ZNF217: variants seen among roughly 807,000 people sequenced by gnomAD.
ZNF217 encodes zinc finger protein 217.
Under a neutral mutation model 73.3 loss-of-function variants are expected in ZNF217, and 12 were observed. The observed-to-expected ratio is 0.16, with a 90% CI of 0.10 to 0.27. The LOEUF (loss-of-function observed/expected upper bound fraction) is 0.27. ZNF217 is among the 10% of genes least tolerant of loss of function. ZNF217 has a pLI of 1.00. For missense variants in ZNF217, 1,195 were observed against 1,327.8 expected (o/e 0.90, Z 1.55); for synonymous variants, 588 against 516.4 (o/e 1.14, Z -1.88).
At chr20:53,593,012 A>C (rs1401228704) in intron 1 of ZNF217, among the ~76,000 whole-genome samples, 5 of 151,992 alleles carry the variant, frequency 3.3e-5, no homozygotes, top group Admixed American at 3.3e-4. Flanking sequence ...ACTTAAAAAA[A>C]TCTTTAAAAT....
In ZNF217 at chr20:53,576,022, C is replaced by A. The variant is rs61730988; in HGVS notation, c.2742G>T (p.Glu914Asp). 6.7e-3 allele frequency: 10,769 copies of A among 1,614,202 alleles called. 52 individuals carry two copies. Among genetic ancestry groups the A allele is most frequent in the Non-Finnish European group, 7.9e-3 (9,370 of 1,180,030 alleles). The change falls in exon 4 of 6, where the codon GAG (glutamate) becomes GAT (aspartate). Residue 914 changes from glutamate (E) to aspartate (D), a missense_variant. Transcript: ENST00000371471. ...SASNTAAEFG[E>D]PLPKRLKSSV... ...TGGACTTCAGTCTTTTTGGAAGGGG[C>A]TCACCAAATTCTGCTGCAGTATTGC...
chr20:53,568,944 G>GA lies in ZNF217; in HGVS notation c.*343dup. On this transcript the variant is annotated 3_prime_UTR_variant, in exon 6 of 6. Transcript: ENST00000371471. ...CCATCCCGCCCCACCCAACCCAAAT[G>GA]ATTTCTTTTCAGCAGCGCTCAAGTA... is the stretch of plus-strand genomic sequence containing the variant. 9.4e-6 allele frequency: 1 copy of GA among 105,878 alleles called. No individual in the cohort carries two copies. Among genetic ancestry groups the GA allele is most frequent in the South Asian group, 2.6e-4 (1 of 3,866 alleles). The allele number at this position is 105,878 out of a possible 1,614,324, so 6.6% of individuals were successfully genotyped here. A position where few individuals can be genotyped will look rare whatever the true frequency, so the allele number is the denominator to read the frequency against.
upstream of ZNF217, among the ~76,000 whole-genome samples, chr20:53,594,274 G>T (rs995046655): frequency 1.3e-5 from 2 of 151,336 alleles, no homozygotes; most frequent in African/African-American, 2.4e-5. Context: ...AGTGTTCAGG[G>T]AGCAGCTGTT....
chr20:53,569,688 G>T (rs1052131160), intron 5 of ZNF217, among the ~76,000 whole-genome samples: 1 of 152,136 alleles, frequency 6.6e-6, no homozygotes, highest in Non-Finnish European at 1.5e-5. Context: ...CTGGCCCTGG[G>T]TTCTATTTAA....
At chr20:53,587,097 A>G (rs1391847601) in intron 1 of ZNF217, among the ~76,000 whole-genome samples, 1 of 152,238 alleles carries the variant, frequency 6.6e-6, no homozygotes, top group Non-Finnish European at 1.5e-5. Flanking sequence ...CACCTAAGGC[A>G]AGTGGGCTAT....
intron 5 of ZNF217, 137 bp downstream of exon 5, chr20:53,571,584 T>C (rs1988006701): frequency 8.8e-7 from 1 of 1,132,826 alleles, no homozygotes; most frequent in Non-Finnish European, 1.2e-6. Context: ...TTGTGTATTT[T>C]TAGTACAGAC....
At position 53,581,562 on chromosome 20, in the gene ZNF217, G is replaced by T; in HGVS notation, c.1265C>A (p.Pro422His). Residue 422 changes from proline (P) to histidine (H), a missense_variant, in exon 2 of 6, where the codon CCT becomes CAT. By Grantham distance (77) the Pro-to-His change is moderately conservative. Transcript: ENST00000371471. This position sits in a 1 kb window ranked among gnomAD's most constrained non-coding sequence, Gnocchi z 4.9. ...TTCATCCAGAGGGGCGGCGAGGTCA[G>T]GAGAACACGTCCCCGGCTGCCTCCC... ...VDGRQPGTCS[P>H]DLAAPLDENG... 1 of 1,614,240 alleles carries T rather than the reference G, an allele frequency of 6.2e-7. No individual in the cohort carries two copies.
chr20:53,569,504 T>G (rs553915821), intron 5 of ZNF217, among the ~76,000 whole-genome samples: 3 of 152,244 alleles, frequency 2.0e-5, no homozygotes, highest in East Asian at 3.9e-4. Context: ...TGCCTCAGCC[T>G]TCCAAGTAGC....
At position 53,582,644 on chromosome 20, in the gene ZNF217, C is replaced by T. The variant is rs146056612; in HGVS notation, c.183G>A (p.Gly61=). ...AGAACATGCAATCCAAGGGCATATA[C>T]CCCTCGATTTGGATGACATTTTTTT... ...TQEKNVIQIE[G]YMPLDCMFCS... Residue 61 remains glycine (G), a synonymous_variant, in exon 2 of 6, where the codon GGG becomes GGA. Coordinates refer to ENST00000371471, the MANE Select transcript of ZNF217 (RefSeq NM_006526.3). This position sits in a 1 kb window ranked among gnomAD's most constrained non-coding sequence, Gnocchi z 4.8. 11 of 1,614,162 alleles carry T rather than the reference C, an allele frequency of 6.8e-6. No individual in the cohort carries two copies. Among genetic ancestry groups the T allele is most frequent in the Non-Finnish European group, 8.5e-6 (10 of 1,180,032 alleles).
At chr20:53,585,797 A>T (rs1329720663) in intron 1 of ZNF217, among the ~76,000 whole-genome samples, 1 of 152,106 alleles carries the variant, frequency 6.6e-6, no homozygotes, top group African/African-American at 2.4e-5. Flanking sequence ...GGGAGGGTGA[A>T]CAGCCTGGGA....
chr20:53,575,892 C>T lies in ZNF217; in HGVS notation c.2872G>A (p.Asp958Asn). Residue 958 changes from aspartate to asparagine, a missense_variant, in exon 4 of 6, where the codon GAC (aspartate) becomes AAC (asparagine). Around this residue, in one of 9 missense-constraint regions of ZNF217, gnomAD observed 649 missense variants for 642.8 expected, o/e 1.01. Coordinates refer to ENST00000371471, the MANE Select transcript of ZNF217 (RefSeq NM_006526.3). ...AGCGCCTGCGACGGATACACACAGT[C>T]CTGCGGTAACAGTGATGTGATGCCT... ...VRGITSLLPQ[D>N]CVYPSQALPP... The T allele has an allele frequency of 6.2e-7, 1 of 1,614,178 alleles. No homozygotes were observed. The highest frequency in any genetic ancestry group is 8.5e-7 in the Non-Finnish European group (1 of 1,180,026).
At chr20:53,588,603 T>C (rs1356753386) in intron 1 of ZNF217, among the ~76,000 whole-genome samples, 4 of 47,360 alleles carry the variant, frequency 8.4e-5, no homozygotes, top group Non-Finnish European at 3.0e-5. Context: ...TCTATATATA[T>C]ATATATATAT....
At chr20:53,587,520 A>C (rs1398293724) in intron 1 of ZNF217, among the ~76,000 whole-genome samples, 1 of 152,212 alleles carries the variant, frequency 6.6e-6, no homozygotes, top group African/African-American at 2.4e-5. Flanking sequence ...GTTATCTTAC[A>C]TTGTTGATAT....
At chr20:53,577,432 T>C (rs1000090954) in intron 3 of ZNF217, 152 bp from the exon 4 acceptor site, 12 of 713,402 alleles carry the variant, frequency 1.7e-5, no homozygotes, top group Non-Finnish European at 2.7e-5. Flanking sequence ...TTATCATCCT[T>C]ACTGTAATGA....
Position 53,576,044 on chromosome 20 carries a change from T to G in ZNF217, c.2720A>C (p.Asn907Thr). The change falls in exon 4 of 6, where the codon AAT becomes ACT. Residue 907 changes from asparagine (N) to threonine (T), a missense_variant. Coordinates refer to ENST00000371471, the MANE Select transcript of ZNF217 (RefSeq NM_006526.3). ...GGGCTCACCAAATTCTGCTGCAGTA[T>G]TGCTGGCACTCCGATTACAGAAATA... is the stretch of plus-strand genomic sequence containing the variant. The part of the protein sequence containing the change: ...RDYFCNRSAS[N>T]TAAEFGEPLP... 6.2e-7 allele frequency: 1 copy of G among 1,614,188 alleles called. No individual in the cohort carries two copies. Among genetic ancestry groups the G allele is most frequent in the Non-Finnish European group, 8.5e-7 (1 of 1,180,034 alleles).
intron 4 of ZNF217, among the ~76,000 whole-genome samples, chr20:53,573,226 T>C (rs990764589): frequency 4.0e-5 from 6 of 150,918 alleles, no homozygotes; most frequent in Non-Finnish European, 2.9e-5. Flanking sequence ...AAGGTTCAAG[T>C]GATTCTCTTG....
chr20:53,588,835 T>A (rs1387209707), intron 1 of ZNF217, among the ~76,000 whole-genome samples: 1 of 152,206 alleles, frequency 6.6e-6, no homozygotes, highest in Admixed American at 6.5e-5. Context: ...GTTGTATATC[T>A]GGCTCTTTCC....
chr20:53,596,001 T>C (rs983923894), upstream of ZNF217, among the ~76,000 whole-genome samples: 1 of 152,150 alleles, frequency 6.6e-6, no homozygotes, highest in African/African-American at 2.4e-5. Flanking sequence ...AAAATTCTAG[T>C]GTCAAAATCG....
Position 53,587,914 on chromosome 20 carries a change from C to G in ZNF217, c.-342-4746G>C, listed in dbSNP as rs191421970. ...TTTATTTTTAATGCTCTAAATTCTT[C>G]AACACTGTTTCAAGGAAATTACTAG... is the stretch of plus-strand genomic sequence containing the variant. On this transcript the variant is annotated intron_variant, in intron 1 of 5. Coordinates refer to ENST00000371471, the MANE Select transcript of ZNF217 (RefSeq NM_006526.3). Among the ~76,000 whole-genome samples, 411 of 151,412 alleles carry G rather than the reference C, an allele frequency of 2.7e-3. 1 individual carries two copies. Among genetic ancestry groups the G allele is most frequent in the South Asian group, 0.017 (82 of 4,776 alleles).
Sources: gnomAD v4.1 joint callset for allele counts (sites outside exome capture counted in the v4.1 genomes callset) on GRCh38, gnomAD v4.1.1 for gene constraint, gnomAD v4.1.1 regional missense constraint, Gnocchi (gnomAD v3.1) non-coding constraint, MANE v1.5 for transcripts, NCBI Gene and HGNC (gene_info 2026-07-23, HGNC 2026-07-21) for gene names.